EML3: variants seen among roughly 807,000 people sequenced by gnomAD.
EML3 encodes echinoderm microtubule-associated protein-like 3.
A neutral mutation model predicts 106.7 loss-of-function variants in EML3; 53 were observed. The ratio of observed to expected loss-of-function variants is 0.50; its 90% CI spans 0.40 to 0.62. EML3 has a LOEUF of 0.62. EML3 is among the 20% of genes least tolerant of loss of function. The pLI, the probability that EML3 is intolerant of heterozygous loss-of-function variation, is 0.00. For synonymous variants in EML3, 499 were observed against 489.6 expected (o/e 1.02, Z -0.25); for missense variants, 994 against 1,209.1 (o/e 0.82, Z 2.64).
At position 62,611,357 on chromosome 11, in the gene EML3, T is replaced by C; in HGVS notation, c.195-13A>G. 1 of 1,613,208 alleles carries C rather than the reference T, an allele frequency of 6.2e-7. No individual in the cohort carries two copies. Among genetic ancestry groups the C allele is most frequent in the Non-Finnish European group, 8.5e-7 (1 of 1,179,822 alleles). On this transcript the variant is annotated splice_polypyrimidine_tract_variant and intron_variant, in intron 2 of 21. Transcript: ENST00000394773. ...GGGGGCTGCAAGACTGCTGGAGAGA[T>C]GTTGAATTAACCTGAAGCCCCAGAG...
Position 62,611,185 on chromosome 11 carries a change from C to A in EML3, c.354G>T (p.Gly118=), listed in dbSNP as rs757036286. Residue 118 remains glycine, a synonymous_variant, in exon 3 of 22, where the codon GGG becomes GGT. Coordinates refer to ENST00000394773, the MANE Select transcript of EML3 (RefSeq NM_153265.3). ...APQGASEEPS[G]TQSEGGGSSS... ...TGCTGCCCCCTCCTTCAGATTGGGTCCCGCTAGGCTCTTCGCTGGCCCCCT... is the reference window on the plus strand; with the variant it reads ...TGCTGCCCCCTCCTTCAGATTGGGTACCGCTAGGCTCTTCGCTGGCCCCCT... The A allele has an allele frequency of 2.5e-6, 4 of 1,607,620 alleles. No homozygotes were observed. Among genetic ancestry groups the A allele is most frequent in the Non-Finnish European group, 3.4e-6 (4 of 1,179,214 alleles).
chr11:62,608,353 A>G (rs1033825617), intron 9 of EML3, 57 bp from the exon 10 acceptor site: 3 of 1,532,926 alleles, frequency 2.0e-6, no homozygotes, highest in Admixed American at 1.7e-5. Flanking sequence ...CCAGGGGTTC[A>G]TGGTCATTAG....
chr11:62,602,424 AGGGCG>A lies in EML3; in HGVS notation c.*46_*50del. On this transcript the variant is annotated 3_prime_UTR_variant, in exon 22 of 22. Transcript: ENST00000394773. ...GTGGGGGATTGGGCCAGGGAAGGGC[AGGGCG>A]GGGCGGGGCCACGCCGCCGGGCCAG... 1.2e-6 allele frequency: 1 copy of A among 819,592 alleles called. No homozygotes were observed. Among genetic ancestry groups the A allele is most frequent in the Non-Finnish European group, 1.8e-6 (1 of 548,896 alleles). The allele number at this position is 819,592 out of a possible 1,614,324, so 50.8% of individuals were successfully genotyped here.
Position 62,609,384 on chromosome 11 carries a change from G to T in EML3, c.728C>A (p.Pro243Gln). Residue 243 changes from proline (P) to glutamine (Q), a missense_variant, in exon 6 of 22, where the codon CCA becomes CAA. Physicochemically the swap from Pro to Gln is moderately conservative, Grantham distance 76. Coordinates refer to ENST00000394773, the MANE Select transcript of EML3 (RefSeq NM_153265.3). Reference sequence around the variant, plus strand: ...GTCAAGGCTGAGGGTCTCTGGCGGTGGGCCACTCGGCAGCTCCTCAAGGCT... The same window carrying T: ...GTCAAGGCTGAGGGTCTCTGGCGGTTGGCCACTCGGCAGCTCCTCAAGGCT... ...IRSLEELPSGPPPETLSLDWV... is the reference protein window; with the variant it reads ...IRSLEELPSGQPPETLSLDWV... 6.3e-7 allele frequency: 1 copy of T among 1,595,110 alleles called. No individual in the cohort carries two copies. Among genetic ancestry groups the T allele is most frequent in the Admixed American group, 1.8e-5 (1 of 57,040 alleles).
Position 62,602,497 on chromosome 11 carries a change from G to T in EML3, c.2669C>A (p.Pro890His). 6.5e-7 allele frequency: 1 copy of T among 1,530,386 alleles called. No homozygotes were observed. The allele number at this position is 1,530,386 out of a possible 1,614,324, so 94.8% of individuals were successfully genotyped here. A position where few individuals can be genotyped will look rare whatever the true frequency, so the allele number is the denominator to read the frequency against. ...CGATCAAACGTCGAGGGAGGAGGCG[G>T]GGGACAGGGAGGGGGTTCGAGAGGG... is the stretch of plus-strand genomic sequence containing the variant. ...ATPSRTPSLS[P>H]ASSLDV Residue 890 changes from proline (P) to histidine (H), a missense_variant, in exon 22 of 22, where the codon CCC becomes CAC. By Grantham distance (77) the Pro-to-His change is moderately conservative (BLOSUM62 -2). This residue lies in a region of EML3 where 713 missense variants were observed against 920.5 expected (regional missense o/e 0.77). Transcript: ENST00000394773.
rs1482360874 is a variant in EML3 at position 62,602,365 on chromosome 11, C to CG, written c.*109dup. The stretch of plus-strand genomic sequence containing the variant: ...GGAAAATGCGCGATCGGGAATGTCT[C>CG]GAAGTCAGTCCAGGAAAGAGTCGGC... On this transcript the variant is annotated 3_prime_UTR_variant, in exon 22 of 22. Coordinates refer to ENST00000394773, the MANE Select transcript of EML3 (RefSeq NM_153265.3). The CG allele has an allele frequency of 6.4e-7, 1 of 1,550,914 alleles. No individual in the cohort carries two copies. The highest frequency in any genetic ancestry group is 1.4e-5 in the African/African-American group (1 of 72,952).
Position 62,608,994 on chromosome 11 carries a change from T to C in EML3, c.897A>G (p.Arg299=). ...GPGGPGGGGQ[R]HYRGHTDCVR... ...CGCAGTCTGTGTGCCCCCGGTAATGTCTCTGGCCGCCACCTCCAGGACCCC... is the reference window on the plus strand; with the variant it reads ...CGCAGTCTGTGTGCCCCCGGTAATGCCTCTGGCCGCCACCTCCAGGACCCC... Residue 299 remains arginine (R), a synonymous_variant, in exon 7 of 22, where the codon AGA becomes AGG. Transcript: ENST00000394773. 2.5e-6 allele frequency: 4 copies of C among 1,613,770 alleles called. No individual in the cohort carries two copies. Among genetic ancestry groups the C allele is most frequent in the Non-Finnish European group, 3.4e-6 (4 of 1,179,990 alleles).
In EML3 at chr11:62,608,599, C is replaced by T. The variant is rs549370516; in HGVS notation, c.1053G>A (p.Gln351=). Residue 351 remains glutamine, a synonymous_variant, in exon 9 of 22, where the codon CAG becomes CAA. Coordinates refer to ENST00000394773, the MANE Select transcript of EML3 (RefSeq NM_153265.3). The part of the protein sequence containing the change: ...IWDSETLLKL[Q]EIGLGAFERG... ...GCTCGAAGGCCCCCAGTCCAATCTC[C>T]TGCAGTTTCAACAGCGTCTCTGAGT... The T allele has an allele frequency of 7.1e-5, 115 of 1,614,234 alleles. No individual in the cohort carries two copies. The East Asian group carries it at 9.6e-4, about 13-fold the overall frequency.
At position 62,605,040 on chromosome 11, in the gene EML3, C is replaced by T; in HGVS notation, c.1982+73G>A. On this transcript the variant is annotated intron_variant, in intron 16 of 21. Transcript: ENST00000394773. The surrounding 1 kb of genome is among the most constrained non-coding windows in gnomAD (Gnocchi z 5.2). ...CCTGGGTAGAGGTGGTCACTCTCGC[C>T]CACTCCCCCAGTACCAGGAACCCTT... is the stretch of plus-strand genomic sequence containing the variant. 6.8e-7 allele frequency: 1 copy of T among 1,473,376 alleles called. No homozygotes were observed. The highest frequency in any genetic ancestry group is 9.1e-7 in the Non-Finnish European group (1 of 1,093,200). 91.3% of individuals were successfully genotyped at this position (1,473,376 alleles called of 1,614,324 possible).
intron 11 of EML3, 32 bp downstream of exon 11, chr11:62,607,634 T>C (rs1343582137): frequency 1.9e-6 from 3 of 1,596,422 alleles, no homozygotes; most frequent in Non-Finnish European, 2.6e-6. Flanking sequence ...CACTCTGCCC[T>C]CCCCATCACC....
chr11:62,608,452 A>C, intron 9 of EML3, 90 bp downstream of exon 9: 1 of 1,446,858 alleles, frequency 6.9e-7, no homozygotes, highest in Non-Finnish European at 9.7e-7. Flanking sequence ...GGGGTTCAGG[A>C]AGGCCAGAAC....
chr11:62,611,335 G>T lies in EML3; in HGVS notation c.204C>A (p.Ala68=), dbSNP rs201693862. ...TPAPPGDSLA[A]PPGLPPTCTP... ...TGCACGTGGGTGGCAGTCCTGGGGG[G>T]GCTGCAAGACTGCTGGAGAGATGTT... Residue 68 remains alanine, a synonymous_variant, in exon 3 of 22, where the codon GCC becomes GCA. Coordinates refer to ENST00000394773, the MANE Select transcript of EML3 (RefSeq NM_153265.3). 141 of 1,613,034 alleles carry T rather than the reference G, an allele frequency of 8.7e-5. No individual in the cohort carries two copies. The highest frequency in any genetic ancestry group is 6.4e-4 in the South Asian group (58 of 91,076).
At position 62,603,157 on chromosome 11, in the gene EML3, T is replaced by C; in HGVS notation, c.2348A>G (p.His783Arg). 6.2e-7 allele frequency: 1 copy of C among 1,614,024 alleles called. No homozygotes were observed. Among genetic ancestry groups the C allele is most frequent in the Non-Finnish European group, 8.5e-7 (1 of 1,179,984 alleles). ...WATYTCVLGF[H>R]VYGVWPDGSD... The stretch of plus-strand genomic sequence containing the variant: ...TCCACGCCCCTGCTCACCGTAGACG[T>C]GAAAGCCCAGCACACAGGTGTAGGT... Residue 783 changes from histidine (H) to arginine (R), a missense_variant, in exon 20 of 22, where the codon CAC becomes CGC. By Grantham distance (29) the His-to-Arg change is conservative. Coordinates refer to ENST00000394773, the MANE Select transcript of EML3 (RefSeq NM_153265.3).
intron 11 of EML3, 70 bp from the exon 12 acceptor site, chr11:62,607,169 C>G: frequency 6.4e-7 from 1 of 1,560,182 alleles, no homozygotes; most frequent in African/African-American, 1.4e-5. Context: ...CAGGGCAGGC[C>G]AGGTGCAGTG....
rs761343916 is a variant in EML3, at chr11:62,602,824, C to G, written c.2422G>C (p.Val808Leu). The change falls in exon 21 of 22, where the codon GTG (valine) becomes CTG (leucine). Residue 808 changes from valine to leucine, a missense_variant. Around this residue, in one of 3 missense-constraint regions of EML3, gnomAD observed 713 missense variants for 920.5 expected, o/e 0.77. Coordinates refer to ENST00000394773, the MANE Select transcript of EML3 (RefSeq NM_153265.3). ...CAGAAGTCGTCGGCCACCGCCACCACGCGCTCGTTGTGGGAGCGGCACAGG... is the reference window on the plus strand; with the variant it reads ...CAGAAGTCGTCGGCCACCGCCACCAGGCGCTCGTTGTGGGAGCGGCACAGG... The part of the protein sequence containing the change: ...NSLCRSHNER[V>L]VAVADDFCKV... The G allele has an allele frequency of 6.2e-7, 1 of 1,608,516 alleles. No homozygotes were observed. Among genetic ancestry groups the G allele is most frequent in the Non-Finnish European group, 8.5e-7 (1 of 1,178,028 alleles).
At chr11:62,607,157 C>A in intron 11 of EML3, 58 bp from the exon 12 acceptor site, 1 of 1,586,684 alleles carries the variant, frequency 6.3e-7, no homozygotes, top group South Asian at 1.1e-5. Context: ...GATTAAAAGT[C>A]GCAGGGCAGG....
Position 62,602,511 on chromosome 11 carries a change from G to A in EML3, c.2655C>T (p.Thr885=). 7 of 1,515,842 alleles carry A rather than the reference G, an allele frequency of 4.6e-6. No homozygotes were observed. The highest frequency in any genetic ancestry group is 6.2e-6 in the Non-Finnish European group (7 of 1,130,592). 93.9% of individuals were successfully genotyped at this position (1,515,842 alleles called of 1,614,324 possible). A position where few individuals can be genotyped will look rare whatever the true frequency, so the allele number is the denominator to read the frequency against. ...AGPAPATPSR[T]PSLSPASSLD... ...GGGAGGAGGCGGGGGACAGGGAGGG[G>A]GTTCGAGAGGGCGTGGCGGGCGCCG... Residue 885 remains threonine, a synonymous_variant, in exon 22 of 22, where the codon ACC becomes ACT. Transcript: ENST00000394773.
chr11:62,605,138 C>T lies in EML3; in HGVS notation c.1957G>A (p.Val653Met). 1 of 1,613,200 alleles carries T rather than the reference C, an allele frequency of 6.2e-7. No individual in the cohort carries two copies. The highest frequency in any genetic ancestry group is 8.5e-7 in the Non-Finnish European group (1 of 1,179,486). ...CTCCCCGTGTTCAGTCCTACGGCCA[C>T]AACTGCCCCACTCGGGTGGAAGTCA... ...CADFHPSGAV[V>M]AVGLNTGRWL... Residue 653 changes from valine to methionine, a missense_variant, in exon 16 of 22, where the codon GTG becomes ATG. Physicochemically the swap from Val to Met is conservative, Grantham distance 21. Transcript: ENST00000394773. This position sits in a 1 kb window ranked among gnomAD's most constrained non-coding sequence, Gnocchi z 5.2.
At chr11:62,606,839 A>C in intron 12 of EML3, 119 bp downstream of exon 12, 1 of 1,174,616 alleles carries the variant, frequency 8.5e-7, no homozygotes, top group Non-Finnish European at 1.1e-6. Context: ...CCTGGGCAAC[A>C]GAGTAAGACC....
Sources: allele counts gnomAD v4.1 joint callset, GRCh38; gene constraint gnomAD v4.1.1; regional missense constraint gnomAD v4.1.1; non-coding constraint Gnocchi (gnomAD v3.1); transcripts MANE v1.5; gene names NCBI Gene and HGNC (gene_info 2026-07-23, HGNC 2026-07-21).